Variants in EPB41 observed in about 807,000 individuals in gnomAD.
The protein encoded by EPB41 is protein 4.1.
Under a neutral mutation model 108.0 loss-of-function variants are expected in EPB41, and 65 were observed. That is an observed-to-expected ratio of 0.60 (90% CI 0.49 to 0.74). The LOEUF (loss-of-function observed/expected upper bound fraction) is 0.74. Ranked by LOEUF, EPB41 falls within the 30% of genes least tolerant of loss-of-function variation. The pLI, the probability that EPB41 is intolerant of heterozygous loss-of-function variation, is 0.00. For missense variants in EPB41, 875 were observed against 1,037.0 expected (o/e 0.84, Z 2.15); for synonymous variants, 336 against 358.9 (o/e 0.94, Z 0.72).
At chr1:29,097,463 C>G in intron 16 of EPB41, 1 of 353,994 alleles carries the variant, frequency 2.8e-6, no homozygotes, top group Non-Finnish European at 5.4e-6. Context: ...GACACAAGGA[C>G]AAATCAAAGT....
intron 1 of EPB41, among the ~76,000 whole-genome samples, chr1:28,938,804 C>T (rs886910236): frequency 2.0e-5 from 3 of 152,124 alleles, no homozygotes; most frequent in African/African-American, 7.2e-5. Flanking sequence ...CCATAACTGT[C>T]CTGATTTTTG....
At chr1:28,924,975 T>A (rs1054539966) in intron 1 of EPB41, among the ~76,000 whole-genome samples, 31 of 150,666 alleles carry the variant, frequency 2.1e-4, no homozygotes, top group Non-Finnish European at 4.1e-4. Context: ...TTTTTTTTTT[T>A]TTTTTTTTGA....
intron 12 of EPB41, among the ~76,000 whole-genome samples, chr1:29,054,929 T>C (rs1645118032): frequency 6.6e-6 from 1 of 152,116 alleles, no homozygotes; most frequent in East Asian, 1.9e-4. Context: ...TCCCAGCTAC[T>C]GGGGAGGTTA....
rs1303164454 is a variant in EPB41, at chr1:28,987,789, TTTGGAACCAGTC to T, written c.356_367del (p.Gly119_Leu122del). On this transcript the variant is annotated inframe_deletion, in exon 2 of 21. Coordinates refer to ENST00000343067, the MANE Select transcript of EPB41 (RefSeq NM_001376013.1). ...TGAAGGAGGTCAGAAAGAGATAGAA[TTTGGAACCAGTC>T]TTGATGAAGAGATCATTTTAAAGGC... 6.2e-7 allele frequency: 1 copy of T among 1,614,110 alleles called. No homozygotes were observed. The highest frequency in any genetic ancestry group is 8.5e-7 in the Non-Finnish European group (1 of 1,180,022).
intron 3 of EPB41, among the ~76,000 whole-genome samples, chr1:28,996,830 T>C (rs2096188949): frequency 6.6e-6 from 1 of 151,990 alleles, no homozygotes; most frequent in Non-Finnish European, 1.5e-5. Context: ...TCATGATGGG[T>C]GTAGAAATAA....
intron 1 of EPB41, among the ~76,000 whole-genome samples, chr1:28,946,922 A>C (rs2094506884): frequency 6.6e-6 from 1 of 152,214 alleles, no homozygotes; most frequent in Non-Finnish European, 1.5e-5. Flanking sequence ...ACTCATACAC[A>C]AGGAGAGAGG....
chr1:29,091,785 T>A (rs1466014637), intron 16 of EPB41, among the ~76,000 whole-genome samples: 1 of 152,102 alleles, frequency 6.6e-6, no homozygotes, highest in African/African-American at 2.4e-5. Flanking sequence ...ATATCCTAAG[T>A]CATATTTGTT....
At chr1:28,954,472 C>A (rs2094866425) in intron 1 of EPB41, among the ~76,000 whole-genome samples, 1 of 152,100 alleles carries the variant, frequency 6.6e-6, no homozygotes, top group Non-Finnish European at 1.5e-5. Context: ...GCATTAGATC[C>A]TGAACTTTCC....
intron 16 of EPB41, among the ~76,000 whole-genome samples, chr1:29,067,899 G>C (rs1023282242): frequency 6.6e-6 from 1 of 152,112 alleles, no homozygotes; most frequent in Non-Finnish European, 1.5e-5. Flanking sequence ...TTAGTTTTGT[G>C]TTCTAAATCT....
At chr1:28,998,603 A>G (rs1459623746) in intron 4 of EPB41, among the ~76,000 whole-genome samples, 3 of 152,200 alleles carry the variant, frequency 2.0e-5, no homozygotes, top group Non-Finnish European at 2.9e-5. Flanking sequence ...TCTAGACTAT[A>G]CCTAGTAGTT....
At chr1:28,957,565 CAGCCA>C (rs1373801598) in intron 1 of EPB41, among the ~76,000 whole-genome samples, 5 of 152,106 alleles carry the variant, frequency 3.3e-5, no homozygotes, top group Non-Finnish European at 7.4e-5. Context: ...CCACCACACC[CAGCCA>C]ATTTTTATAT....
chr1:28,899,940 G>GT (rs1468704300), intron 1 of EPB41, among the ~76,000 whole-genome samples: 3 of 152,272 alleles, frequency 2.0e-5, no homozygotes, highest in East Asian at 3.9e-4. Flanking sequence ...GTGAGCTTCA[G>GT]TTTTTTCCCC....
intron 6 of EPB41, 79 bp downstream of exon 6, chr1:29,015,846 C>T: frequency 1.0e-6 from 1 of 962,552 alleles, no homozygotes. Context: ...CCACCATAAG[C>T]TCTGCTAATT....
At chr1:29,070,392 A>T (rs1203973971) in intron 16 of EPB41, 2 of 1,232,034 alleles carry the variant, frequency 1.6e-6, no homozygotes, top group Non-Finnish European at 2.0e-6. Context: ...TTAGTACAGG[A>T]TGAAGAGAAA....
In EPB41 at chr1:29,058,615, A is replaced by G. The variant is rs1456697223; in HGVS notation, c.1872A>G (p.Thr624=). Residue 624 remains threonine (T), a synonymous_variant, in exon 13 of 21, where the codon ACA becomes ACG. Transcript: ENST00000343067. The part of the protein sequence containing the change: ...WKVEKTHIEV[T]VPTSNGDQTQ... ...TGGAAAAAACCCACATCGAGGTGACAGTACCCACCTCAAATGGTGACCAAA... is the reference window on the plus strand; with the variant it reads ...TGGAAAAAACCCACATCGAGGTGACGGTACCCACCTCAAATGGTGACCAAA... 6.2e-7 allele frequency: 1 copy of G among 1,613,866 alleles called. No individual in the cohort carries two copies. Among genetic ancestry groups the G allele is most frequent in the Non-Finnish European group, 8.5e-7 (1 of 1,179,840 alleles).
intron 1 of EPB41, among the ~76,000 whole-genome samples, chr1:28,888,686 G>T (rs1267394106): frequency 6.6e-6 from 1 of 152,188 alleles, no homozygotes; most frequent in Non-Finnish European, 1.5e-5. Context: ...AGAGTGCAGT[G>T]TCGCGATCTC....
chr1:28,989,380 T>G (rs996541000), intron 2 of EPB41: 20 of 977,412 alleles, frequency 2.0e-5, no homozygotes, highest in Non-Finnish European at 2.3e-5. Context: ...TTAAGAATTA[T>G]TTTCAGAGTC....
chr1:29,040,526 C>T (rs1009029194), intron 11 of EPB41, among the ~76,000 whole-genome samples: 2 of 152,060 alleles, frequency 1.3e-5, no homozygotes. Flanking sequence ...GGTTATCTAC[C>T]CACCTCGGCC....
chr1:28,917,744 C>G (rs968138145), intron 1 of EPB41, among the ~76,000 whole-genome samples: 2 of 147,660 alleles, frequency 1.4e-5, no homozygotes, highest in African/African-American at 5.0e-5. Flanking sequence ...CCATGCCCAG[C>G]TTTTTTTTTT....
Sources: gnomAD v4.1 joint callset for allele counts (sites outside exome capture counted in the v4.1 genomes callset) on GRCh38, gnomAD v4.1.1 for gene constraint, MANE v1.5 for transcripts, NCBI Gene and HGNC (gene_info 2026-07-23, HGNC 2026-07-21) for gene names.